The following PRKN variants were observed in gnomAD, a reference collection of about 807,000 sequenced individuals.
PRKN encodes parkin RBR E3 ubiquitin protein ligase.
Under a neutral mutation model 59.5 loss-of-function variants are expected in PRKN, and 56 were observed. The observed-to-expected ratio is 0.94, with a 90% CI of 0.76 to 1.18. The LOEUF (loss-of-function observed/expected upper bound fraction) is 1.18, where lower values mean the gene tolerates loss of function less well. Ranked by LOEUF, PRKN falls within the 50% of genes most tolerant of loss-of-function variation. PRKN has a pLI of 0.00. For missense variants in PRKN, 657 were observed against 596.4 expected, an observed-to-expected ratio of 1.10 and a Z score of -1.06; for synonymous variants, 250 against 222.1, an observed-to-expected ratio of 1.13 and a Z score of -1.12.
chr6:161,890,597 G>T (rs915201463), intron 6 of PRKN, among the ~76,000 whole-genome samples: 2 of 152,198 alleles, frequency 1.3e-5, no homozygotes, highest in Non-Finnish European at 2.9e-5. Flanking sequence ...TGCTGTCTCA[G>T]ATCTAATGTG....
chr6:161,409,087 A>T lies in PRKN; in HGVS notation c.1084-22210T>A, dbSNP rs1787408465. Among the ~76,000 whole-genome samples, 1 of 152,098 alleles carries T rather than the reference A, an allele frequency of 6.6e-6. No individual in the cohort carries two copies. The highest frequency in any genetic ancestry group is 2.4e-5 in the African/African-American group (1 of 41,394). The stretch of plus-strand genomic sequence containing the variant: ...CAGCCTCCCAAGTAACTAGGACTAC[A>T]GGCTCCCATCACCATGCCCAGCTAA... On this transcript the variant is annotated intron_variant, in intron 9 of 11. Coordinates refer to ENST00000366898, the MANE Select transcript of PRKN (RefSeq NM_004562.3). The surrounding 1 kb of genome is among the most constrained non-coding windows in gnomAD (Gnocchi z 4.6).
chr6:161,667,283 C>T, intron 7 of PRKN, among the ~76,000 whole-genome samples: 1 of 152,208 alleles, frequency 6.6e-6, no homozygotes, highest in Non-Finnish European at 1.5e-5. Context: ...GCAGCCCCCA[C>T]CTTCTGCTAG....
chr6:162,320,495 T>G (rs1202371339), intron 2 of PRKN, among the ~76,000 whole-genome samples: 1 of 99,626 alleles, frequency 1.0e-5, no homozygotes, highest in Non-Finnish European at 2.2e-5. Flanking sequence ...AATAGGTAAA[T>G]GAAAACATGT....
intron 1 of PRKN, among the ~76,000 whole-genome samples, chr6:162,704,761 T>C (rs1490679987): frequency 6.6e-6 from 1 of 152,180 alleles, no homozygotes; most frequent in Non-Finnish European, 1.5e-5. Flanking sequence ...TGAGTTATTG[T>C]AGCTAGATGG....
intron 5 of PRKN, among the ~76,000 whole-genome samples, chr6:162,029,549 A>G (rs955742044): frequency 6.6e-6 from 1 of 152,068 alleles, no homozygotes; most frequent in Non-Finnish European, 1.5e-5. Flanking sequence ...CGTGCACCGC[A>G]CTCTAGTTCA....
intron 9 of PRKN, among the ~76,000 whole-genome samples, chr6:161,418,358 C>G (rs1258348997): frequency 6.6e-6 from 1 of 152,106 alleles, no homozygotes; most frequent in Non-Finnish European, 1.5e-5. Context: ...GTTGGGGGAA[C>G]CCAGCATTTT....
rs1013968746 is a variant in PRKN, at chr6:161,526,601, A to T, written c.1083+22253T>A. Among the ~76,000 whole-genome samples, 4 of 150,414 alleles carry T rather than the reference A, an allele frequency of 2.7e-5. No homozygotes were observed. The highest frequency in any genetic ancestry group is 5.9e-5 in the Non-Finnish European group (4 of 67,692). On this transcript the variant is annotated intron_variant, in intron 9 of 11. Transcript: ENST00000366898. This position sits in a 1 kb window ranked among gnomAD's most constrained non-coding sequence, Gnocchi z 4.1. ...AATATAAGTAATATAAATAAATATA[A>T]TGAAATAAAATCTCAAAGCATCAGT...
intron 6 of PRKN, among the ~76,000 whole-genome samples, chr6:161,947,218 G>A (rs1447734554): frequency 6.6e-6 from 1 of 152,132 alleles, no homozygotes; most frequent in South Asian, 2.1e-4. Flanking sequence ...GATGTAGAAA[G>A]ATTCAGAACA....
At position 161,588,118 on chromosome 6, in the gene PRKN, G is replaced by T. The variant is rs1781585162; in HGVS notation, c.872-18702C>A. On this transcript the variant is annotated intron_variant, in intron 7 of 11. Coordinates refer to ENST00000366898, the MANE Select transcript of PRKN (RefSeq NM_004562.3). This position sits in a 1 kb window ranked among gnomAD's most constrained non-coding sequence, Gnocchi z 5.0. Reference sequence around the variant, plus strand: ...ACTCTATGGGGGGCTGGGCGCGGTGGCTCATGCCTGTAATCCCAGCACTTT... The same window carrying T: ...ACTCTATGGGGGGCTGGGCGCGGTGTCTCATGCCTGTAATCCCAGCACTTT... 6.6e-6 allele frequency among the ~76,000 whole-genome samples: 1 copy of T among 152,106 alleles called. No individual in the cohort carries two copies. Among genetic ancestry groups the T allele is most frequent in the Non-Finnish European group, 1.5e-5 (1 of 68,020 alleles).
chr6:161,876,593 G>A (rs1363772220), intron 6 of PRKN, among the ~76,000 whole-genome samples: 1 of 152,250 alleles, frequency 6.6e-6, no homozygotes, highest in Non-Finnish European at 1.5e-5. Flanking sequence ...GATTACAGGC[G>A]TGAGCCACCA....
At chr6:161,418,777 T>G (rs1202854454) in intron 9 of PRKN, among the ~76,000 whole-genome samples, 1 of 152,238 alleles carries the variant, frequency 6.6e-6, no homozygotes, top group Non-Finnish European at 1.5e-5. Flanking sequence ...ACATAGTATT[T>G]GCTTCTAGAG....
intron 1 of PRKN, among the ~76,000 whole-genome samples, chr6:162,648,473 CCGGGT>C (rs1480986746): frequency 1.3e-5 from 2 of 151,916 alleles, no homozygotes; most frequent in Non-Finnish European, 2.9e-5. Context: ...CCTCCGCCCG[CCGGGT>C]TCAAGTGATT....
At position 161,462,981 on chromosome 6, in the gene PRKN, A is replaced by G. The variant is rs1395343464; in HGVS notation, c.1084-76104T>C. On this transcript the variant is annotated intron_variant, in intron 9 of 11. Coordinates refer to ENST00000366898, the MANE Select transcript of PRKN (RefSeq NM_004562.3). This position sits in a 1 kb window ranked among gnomAD's most constrained non-coding sequence, Gnocchi z 4.5. ...GGGGCATGAAGATGTCAGAAGTTCT[A>G]TGTATAGTAGACTGCAATGTACTGG... Among the ~76,000 whole-genome samples, 1 of 152,192 alleles carries G rather than the reference A, an allele frequency of 6.6e-6. No homozygotes were observed. The highest frequency in any genetic ancestry group is 1.5e-5 in the Non-Finnish European group (1 of 68,034).
intron 1 of PRKN, among the ~76,000 whole-genome samples, chr6:162,588,013 G>GTTTTTTTTT (rs71004102): frequency 0.085 from 11,558 of 135,870 alleles, 624 homozygotes; most frequent in Middle Eastern, 0.17. Flanking sequence ...GAGTTTTTGA[G>GTTTTTTTTT]TTTTTTTTTT....
In PRKN at chr6:161,451,355, A is replaced by C. The variant is rs75236863; in HGVS notation, c.1084-64478T>G. 0.045 allele frequency among the ~76,000 whole-genome samples: 6,817 copies of C among 152,174 alleles called. 185 individuals carry two copies. The highest frequency in any genetic ancestry group is 0.069 in the African/African-American group (2,872 of 41,504). ...ATTGTCTTCTGTCAGCTCCCTCTTGATTTTGGGACCAAGCATTGAATATAA... is the reference window on the plus strand; with the variant it reads ...ATTGTCTTCTGTCAGCTCCCTCTTGCTTTTGGGACCAAGCATTGAATATAA... On this transcript the variant is annotated intron_variant, in intron 9 of 11. Coordinates refer to ENST00000366898, the MANE Select transcript of PRKN (RefSeq NM_004562.3). This position sits in a 1 kb window ranked among gnomAD's most constrained non-coding sequence, Gnocchi z 5.9.
intron 6 of PRKN, among the ~76,000 whole-genome samples, chr6:161,913,171 A>T (rs996991553): frequency 5.7e-5 from 4 of 70,284 alleles, no homozygotes; most frequent in Non-Finnish European, 1.5e-4. Flanking sequence ...CCATCTCAGG[A>T]AAAAAAAAAA....
intron 6 of PRKN, among the ~76,000 whole-genome samples, chr6:161,877,748 G>A (rs952757382): frequency 3.9e-5 from 6 of 151,984 alleles, no homozygotes; most frequent in African/African-American, 1.2e-4. Context: ...GATTACAGGC[G>A]GGAGCCACCA....
intron 6 of PRKN, among the ~76,000 whole-genome samples, chr6:161,856,990 G>A (rs1793683005): frequency 6.6e-6 from 1 of 151,950 alleles, no homozygotes; most frequent in Non-Finnish European, 1.5e-5. Flanking sequence ...AGTACTTTGG[G>A]AGGCTGAGGC....
At chr6:162,000,106 C>T (rs1781994788) in intron 5 of PRKN, among the ~76,000 whole-genome samples, 1 of 152,064 alleles carries the variant, frequency 6.6e-6, no homozygotes, top group Non-Finnish European at 1.5e-5. Context: ...CTATAAATAT[C>T]CATGTGCAGT....
Sources: gnomAD v4.1 joint callset for allele counts (sites outside exome capture counted in the v4.1 genomes callset) on GRCh38, gnomAD v4.1.1 for gene constraint, Gnocchi (gnomAD v3.1) non-coding constraint, MANE v1.5 for transcripts, NCBI Gene and HGNC (gene_info 2026-07-23, HGNC 2026-07-21) for gene names.